CTDSPL: variants seen among roughly 807,000 people sequenced by gnomAD.
CTDSPL encodes CTD small phosphatase-like protein.
A neutral mutation model predicts 30.5 loss-of-function variants in CTDSPL; 8 were observed. The ratio of observed to expected loss-of-function variants is 0.26; its 90% CI spans 0.15 to 0.47. CTDSPL has a LOEUF of 0.47. Among genes scored for constraint, CTDSPL ranks in the 20% least tolerant of loss-of-function variants. The pLI, the probability that CTDSPL is intolerant of heterozygous loss-of-function variation, is 0.99. For missense variants in CTDSPL, 248 were observed against 366.1 expected (o/e 0.68, Z 2.63); for synonymous variants, 110 against 137.9 (o/e 0.80, Z 1.42).
At chr3:37,924,956 C>T (rs1698763556) in intron 1 of CTDSPL, among the ~76,000 whole-genome samples, 1 of 152,178 alleles carries the variant, frequency 6.6e-6, no homozygotes, top group Non-Finnish European at 1.5e-5. Flanking sequence ...TCAAAGCATT[C>T]ACTGACCACC....
intron 6 of CTDSPL, among the ~76,000 whole-genome samples, chr3:37,972,993 G>T (rs1397611538): frequency 2.6e-5 from 4 of 152,232 alleles, no homozygotes; most frequent in African/African-American, 9.6e-5. Context: ...ATGTTCCACT[G>T]CTTTGCTGGC....
intron 1 of CTDSPL, among the ~76,000 whole-genome samples, chr3:37,869,282 C>T (rs1053329002): frequency 5.3e-5 from 8 of 151,992 alleles, no homozygotes; most frequent in African/African-American, 1.4e-4. Context: ...TTGTGTTGGG[C>T]GCATTTATTA....
At chr3:37,908,812 G>A (rs1422166555) in intron 1 of CTDSPL, among the ~76,000 whole-genome samples, 1 of 152,196 alleles carries the variant, frequency 6.6e-6, no homozygotes, top group Admixed American at 6.5e-5. Context: ...GCCAATTTAA[G>A]AGCCAGTGTA....
chr3:37,935,921 G>C (rs981103604), intron 1 of CTDSPL, among the ~76,000 whole-genome samples: 3 of 152,208 alleles, frequency 2.0e-5, no homozygotes, highest in South Asian at 2.1e-4. Context: ...GCATAGTTGA[G>C]AATAGGTACT....
At chr3:37,918,711 T>C (rs1698677446) in intron 1 of CTDSPL, among the ~76,000 whole-genome samples, 1 of 152,204 alleles carries the variant, frequency 6.6e-6, no homozygotes, top group African/African-American at 2.4e-5. Context: ...TGGTAGAGTT[T>C]TGTTTTGTGC....
At chr3:37,878,090 T>C (rs1359451837) in intron 1 of CTDSPL, among the ~76,000 whole-genome samples, 2 of 152,238 alleles carry the variant, frequency 1.3e-5, no homozygotes, top group African/African-American at 4.8e-5. Flanking sequence ...ATCACACTTG[T>C]TATCTTCTGT....
chr3:37,907,784 C>T (rs530674344), intron 1 of CTDSPL, among the ~76,000 whole-genome samples: 1 of 152,320 alleles, frequency 6.6e-6, no homozygotes, highest in South Asian at 2.1e-4. Flanking sequence ...TCTAGCACTC[C>T]TGTAAACACA....
chr3:37,868,237 C>T (rs1698034962), intron 1 of CTDSPL, among the ~76,000 whole-genome samples: 2 of 152,016 alleles, frequency 1.3e-5, no homozygotes, highest in South Asian at 4.1e-4. Context: ...GCTGTCCCTT[C>T]ATGTCTTTTG....
At chr3:37,960,508 ATATAT>A (rs1699228803) in intron 3 of CTDSPL, among the ~76,000 whole-genome samples, 1 of 27,252 alleles carries the variant, frequency 3.7e-5, no homozygotes, top group Non-Finnish European at 6.5e-5. Flanking sequence ...AAAAAAAAAT[ATATAT>A]ATATATATAT....
At chr3:37,958,467 C>T (rs574317313) in intron 3 of CTDSPL, among the ~76,000 whole-genome samples, 1 of 152,282 alleles carries the variant, frequency 6.6e-6, no homozygotes, top group South Asian at 2.1e-4. Flanking sequence ...GAGGTACCTA[C>T]ATTAAATGAT....
intron 3 of CTDSPL, among the ~76,000 whole-genome samples, chr3:37,962,414 T>G (rs897232423): frequency 3.3e-5 from 5 of 152,208 alleles, no homozygotes; most frequent in African/African-American, 1.2e-4. Context: ...TAAAATCAAT[T>G]GCTTGCTTAA....
At chr3:37,961,299 G>C (rs1253537565) in intron 3 of CTDSPL, among the ~76,000 whole-genome samples, 1 of 152,196 alleles carries the variant, frequency 6.6e-6, no homozygotes, top group Non-Finnish European at 1.5e-5. Context: ...TTCATGGGCT[G>C]TTTGGTGAAC....
At chr3:37,928,953 T>C (rs1165126659) in intron 1 of CTDSPL, among the ~76,000 whole-genome samples, 1 of 152,226 alleles carries the variant, frequency 6.6e-6, no homozygotes, top group Non-Finnish European at 1.5e-5. Context: ...AGTTGACTTT[T>C]GTGTAGGGCA....
chr3:37,928,402 T>G (rs138949445), intron 1 of CTDSPL, among the ~76,000 whole-genome samples: 17 of 152,350 alleles, frequency 1.1e-4, no homozygotes, highest in Admixed American at 2.6e-4. Context: ...TTTTTCTTTT[T>G]CTGTTTTTGA....
chr3:37,882,159 T>A (rs1352405323), intron 1 of CTDSPL, among the ~76,000 whole-genome samples: 5 of 151,952 alleles, frequency 3.3e-5, no homozygotes, highest in African/African-American at 1.2e-4. Context: ...AATACAAATA[T>A]TGGCTGGGCA....
chr3:37,979,758 T>TCACA (rs139766577), intron 7 of CTDSPL, among the ~76,000 whole-genome samples: 3 of 151,806 alleles, frequency 2.0e-5, no homozygotes, highest in Middle Eastern at 3.4e-3. Flanking sequence ...TGACGCTGTG[T>TCACA]CACACACACA....
chr3:37,979,428 C>T (rs1302000296), intron 7 of CTDSPL, among the ~76,000 whole-genome samples: 2 of 152,014 alleles, frequency 1.3e-5, no homozygotes, highest in Non-Finnish European at 2.9e-5. Context: ...CATGGTGAAA[C>T]CCTGTCTCTA....
intron 3 of CTDSPL, among the ~76,000 whole-genome samples, chr3:37,961,153 A>G (rs1002606437): frequency 1.5e-4 from 23 of 152,236 alleles, no homozygotes; most frequent in Admixed American, 9.8e-4. Context: ...CCAAGTGGCT[A>G]CTCAGTTGTC....
chr3:37,978,184 C>T (rs1450396832), intron 7 of CTDSPL, among the ~76,000 whole-genome samples: 1 of 152,140 alleles, frequency 6.6e-6, no homozygotes, highest in Admixed American at 6.5e-5. Context: ...TAGCGGCCTC[C>T]AAAAGTAGCC....
Sources: gnomAD v4.1 joint callset for allele counts (sites outside exome capture counted in the v4.1 genomes callset) on GRCh38, gnomAD v4.1.1 for gene constraint, MANE v1.5 for transcripts, NCBI Gene and HGNC (gene_info 2026-07-23, HGNC 2026-07-21) for gene names.